The following PRMT8 variants were observed in gnomAD, a reference collection of about 807,000 sequenced individuals.
PRMT8 encodes the protein protein arginine methyltransferase 8.
PRMT8 carries 7 observed loss-of-function variants against 47.1 expected under a neutral mutation model. The observed-to-expected ratio is 0.15, with a 90% CI of 0.08 to 0.28. The LOEUF (loss-of-function observed/expected upper bound fraction) is 0.28. PRMT8 is among the 10% of genes least tolerant of loss of function. The pLI is 1.00. For missense variants in PRMT8, 237 were observed against 505.4 expected (o/e 0.47, Z 5.09); for synonymous variants, 188 against 186.5 (o/e 1.01, Z -0.07).
At chr12:3,382,353 A>G (rs145257048) in intron 1 of PRMT8, among the ~76,000 whole-genome samples, 10 of 152,246 alleles carry the variant, frequency 6.6e-5, no homozygotes, top group African/African-American at 2.4e-4. Context: ...TTCACCAGCA[A>G]TTTATGAGAG....
chr12:3,592,483 C>A, intron 9 of PRMT8, 131 bp downstream of exon 9: 1 of 995,426 alleles, frequency 1.0e-6, no homozygotes, highest in Non-Finnish European at 1.4e-6. Context: ...CAGTCGGTAG[C>A]CACATGTGGA....
chr12:3,468,046 C>T (rs1001673320), intron 1 of PRMT8, among the ~76,000 whole-genome samples: 1 of 152,214 alleles, frequency 6.6e-6, no homozygotes, highest in Admixed American at 6.5e-5. Context: ...CAAGAACTCA[C>T]CTGTGGCTGA....
At chr12:3,546,387 A>G (rs1329157589) in intron 2 of PRMT8, among the ~76,000 whole-genome samples, 1 of 152,244 alleles carries the variant, frequency 6.6e-6, no homozygotes, top group Non-Finnish European at 1.5e-5. Context: ...AAAACCAACA[A>G]AGCCAAAAGT....
rs962610055 is a variant in PRMT8 at position 3,576,240 on chromosome 12, G to A, written c.713-631G>A. Among the ~76,000 whole-genome samples the A allele has an allele frequency of 1.3e-5, 2 of 152,206 alleles. No individual in the cohort carries two copies. Among genetic ancestry groups the A allele is most frequent in the Non-Finnish European group, 2.9e-5 (2 of 68,032 alleles). On this transcript the variant is annotated intron_variant, in intron 6 of 9. Coordinates refer to ENST00000382622, the MANE Select transcript of PRMT8 (RefSeq NM_019854.5). This position sits in a 1 kb window ranked among gnomAD's most constrained non-coding sequence, Gnocchi z 4.0. Reference sequence around the variant, plus strand: ...GAGTGCATCTTGGCATACAAGGAAGGCAGAGATGCTCCTGGACCCACCCAG... The same window carrying A: ...GAGTGCATCTTGGCATACAAGGAAGACAGAGATGCTCCTGGACCCACCCAG...
At chr12:3,523,848 G>T (rs936420727) in intron 1 of PRMT8, among the ~76,000 whole-genome samples, 1 of 152,236 alleles carries the variant, frequency 6.6e-6, no homozygotes, top group African/African-American at 2.4e-5. Context: ...GTTCTCCATA[G>T]GGAATATAAA....
chr12:3,544,138 C>T (rs1866283928), intron 2 of PRMT8, among the ~76,000 whole-genome samples: 1 of 152,214 alleles, frequency 6.6e-6, no homozygotes, highest in African/African-American at 2.4e-5. Context: ...AGCCAGGACA[C>T]AAGTGAATCC....
chr12:3,577,723 A>G (rs955635288), intron 7 of PRMT8, among the ~76,000 whole-genome samples: 3 of 151,996 alleles, frequency 2.0e-5, no homozygotes, highest in African/African-American at 4.8e-5. Flanking sequence ...AGTGTATTTT[A>G]TGTGTGGCCC....
At chr12:3,427,207 G>A (rs1254567646) in intron 1 of PRMT8, among the ~76,000 whole-genome samples, 1 of 152,094 alleles carries the variant, frequency 6.6e-6, no homozygotes, top group East Asian at 1.9e-4. Context: ...TTATATTAGT[G>A]TGTTATTAAT....
At chr12:3,551,076 A>ACCCCCCCCCCCCCCCCCCCCCCC (rs3837513) in intron 3 of PRMT8, 4 of 137,110 alleles carry the variant, frequency 2.9e-5, no homozygotes, top group African/African-American at 2.7e-5. Flanking sequence ...AGCCCTGGGG[A>ACCCCCCCCCCCCCCCCCCCCCCC]CCCCCCCCCG....
rs535855410 is a variant in PRMT8, at chr12:3,512,729, G to A, written c.75+21029G>A. Among the ~76,000 whole-genome samples the A allele has an allele frequency of 2.1e-4, 32 of 152,232 alleles. No individual in the cohort carries two copies. The South Asian group carries it at 5.8e-3, about 28-fold the overall frequency. ...CTTGCTCCGTGCCTGTCTCGTCTCC[G>A]CACTGCAGCACAATGCCTGGCCAAC... On this transcript the variant is annotated intron_variant, in intron 1 of 9. Coordinates refer to ENST00000382622, the MANE Select transcript of PRMT8 (RefSeq NM_019854.5).
intron 8 of PRMT8, among the ~76,000 whole-genome samples, chr12:3,587,545 G>A (rs1364628353): frequency 6.6e-6 from 1 of 151,928 alleles, no homozygotes; most frequent in Non-Finnish European, 1.5e-5. Context: ...CTGAAATGCT[G>A]CCAACACCTC....
intron 1 of PRMT8, among the ~76,000 whole-genome samples, chr12:3,496,214 A>ATATATAT: frequency 2.9e-4 from 8 of 27,768 alleles, no homozygotes; most frequent in African/African-American, 4.4e-4. Flanking sequence ...ATATATATAT[A>ATATATAT]TTTTTTTTTT....
chr12:3,394,245 A>G (rs1443097961), intron 1 of PRMT8, among the ~76,000 whole-genome samples: 1 of 151,996 alleles, frequency 6.6e-6, no homozygotes, highest in Non-Finnish European at 1.5e-5. Context: ...TTCCAACACT[A>G]TGTTGAATAG....
intron 4 of PRMT8, among the ~76,000 whole-genome samples, chr12:3,567,861 G>A (rs1470981175): frequency 1.3e-5 from 2 of 152,066 alleles, no homozygotes; most frequent in African/African-American, 2.4e-5. Flanking sequence ...ATCACCTGAG[G>A]TCAGGAGTTT....
chr12:3,575,112 T>C (rs1375006102), intron 6 of PRMT8, among the ~76,000 whole-genome samples: 1 of 152,178 alleles, frequency 6.6e-6, no homozygotes, highest in Non-Finnish European at 1.5e-5. Context: ...GGGCATCTTT[T>C]CCTCAAACTG....
chr12:3,395,765 C>T (rs1864242715), intron 1 of PRMT8, among the ~76,000 whole-genome samples: 1 of 150,462 alleles, frequency 6.6e-6, no homozygotes, highest in East Asian at 2.0e-4. Flanking sequence ...CCTGGGTATC[C>T]TTGTTGACTT....
intron 1 of PRMT8, among the ~76,000 whole-genome samples, chr12:3,512,013 G>A (rs765706875): frequency 6.6e-6 from 1 of 152,190 alleles, no homozygotes; most frequent in Admixed American, 6.5e-5. Flanking sequence ...GGCCTTGGGA[G>A]TGTGGGGGGC....
intron 1 of PRMT8, among the ~76,000 whole-genome samples, chr12:3,397,840 C>T (rs1219596561): frequency 6.6e-6 from 1 of 152,192 alleles, no homozygotes; most frequent in Non-Finnish European, 1.5e-5. Context: ...TGATCTCAGA[C>T]TGCTGTGCTA....
At chr12:3,381,543 T>C (rs1864091387) in intron 1 of PRMT8, 1 of 1,147,650 alleles carries the variant, frequency 8.7e-7, no homozygotes. Flanking sequence ...TTTTTCCTCT[T>C]TGTCATCTGC....
Sources: allele counts gnomAD v4.1 joint callset (sites outside exome capture counted in the v4.1 genomes callset), GRCh38; gene constraint gnomAD v4.1.1; non-coding constraint Gnocchi (gnomAD v3.1); transcripts MANE v1.5; gene names NCBI Gene and HGNC (gene_info 2026-07-23, HGNC 2026-07-21).